Variants in COL19A1 observed in about 807,000 individuals in gnomAD.
COL19A1 encodes the protein collagen alpha-1(XIX) chain.
COL19A1 carries 159 observed loss-of-function variants against 190.2 expected under a neutral mutation model. The ratio of observed to expected loss-of-function variants is 0.84; its 90% CI spans 0.73 to 0.95. The LOEUF (loss-of-function observed/expected upper bound fraction) is 0.95, where lower values mean the gene tolerates loss of function less well. Among genes scored for constraint, COL19A1 ranks in the 40% least tolerant of loss-of-function variants. COL19A1 has a pLI of 0.00. For missense variants in COL19A1, 1,418 were observed against 1,431.9 expected (o/e 0.99, Z 0.16); for synonymous variants, 509 against 458.9 (o/e 1.11, Z -1.39).
chr6:70,122,094 A>C (rs1374650734), intron 17 of COL19A1, 152 bp downstream of exon 17: 1 of 530,188 alleles, frequency 1.9e-6, no homozygotes, highest in Admixed American at 3.7e-5. Flanking sequence ...TATGTTTTCA[A>C]AAACAAAAAT....
At chr6:70,200,857 TAGC>T (rs1368079610) in intron 49 of COL19A1, among the ~76,000 whole-genome samples, 5 of 152,328 alleles carry the variant, frequency 3.3e-5, no homozygotes, top group Admixed American at 2.6e-4. Context: ...TGCGTTTAAT[TAGC>T]ACAATATAAA....
chr6:70,164,553 C>T (rs1788010874), intron 36 of COL19A1, among the ~76,000 whole-genome samples: 1 of 152,110 alleles, frequency 6.6e-6, no homozygotes, highest in East Asian at 1.9e-4. Flanking sequence ...CTTGCCCAAC[C>T]CCACTAGCCT....
intron 14 of COL19A1, among the ~76,000 whole-genome samples, chr6:70,053,273 A>C (rs1780309666): frequency 6.6e-6 from 1 of 152,204 alleles, no homozygotes; most frequent in Non-Finnish European, 1.5e-5. Flanking sequence ...TAGAAACTTG[A>C]AAATAACATT....
chr6:69,872,015 C>T (rs1257188066), intron 1 of COL19A1, among the ~76,000 whole-genome samples: 1 of 152,100 alleles, frequency 6.6e-6, no homozygotes, highest in Non-Finnish European at 1.5e-5. Flanking sequence ...CGGGTTTTCA[C>T]CATGTTGGCC....
At chr6:69,902,842 T>C (rs1770278072) in intron 4 of COL19A1, among the ~76,000 whole-genome samples, 1 of 152,158 alleles carries the variant, frequency 6.6e-6, no homozygotes, top group African/African-American at 2.4e-5. Context: ...GGGGCCACAA[T>C]AGCCAACCAT....
At chr6:70,034,681 A>C (rs1779254782) in intron 13 of COL19A1, among the ~76,000 whole-genome samples, 1 of 152,194 alleles carries the variant, frequency 6.6e-6, no homozygotes, top group South Asian at 2.1e-4. Flanking sequence ...CTCAGTCTTA[A>C]TTTAACTATT....
intron 16 of COL19A1, among the ~76,000 whole-genome samples, chr6:70,119,364 G>C (rs887280320): frequency 2.0e-5 from 3 of 152,218 alleles, no homozygotes; most frequent in African/African-American, 7.2e-5. Flanking sequence ...TACAGCTAAA[G>C]GTAATGTGTT....
At chr6:69,982,455 G>A (rs1776087943) in intron 11 of COL19A1, among the ~76,000 whole-genome samples, 1 of 151,832 alleles carries the variant, frequency 6.6e-6, no homozygotes, top group Non-Finnish European at 1.5e-5. Flanking sequence ...TGGCCAGGCT[G>A]GTCTTGAACT....
intron 36 of COL19A1, among the ~76,000 whole-genome samples, chr6:70,164,247 C>T (rs1468412685): frequency 1.3e-5 from 2 of 152,140 alleles, no homozygotes; most frequent in Non-Finnish European, 2.9e-5. Context: ...GACAGGACAC[C>T]ACACAGTTTT....
At chr6:70,032,953 G>A (rs1241072229) in intron 12 of COL19A1, among the ~76,000 whole-genome samples, 1 of 152,148 alleles carries the variant, frequency 6.6e-6, no homozygotes, top group East Asian at 1.9e-4. Context: ...CTTGATTTGG[G>A]AAGAAATGGA....
chr6:70,102,819 C>G (rs1452985863), intron 16 of COL19A1, among the ~76,000 whole-genome samples: 1 of 152,170 alleles, frequency 6.6e-6, no homozygotes, highest in African/African-American at 2.4e-5. Flanking sequence ...ACACTGCACT[C>G]TCTGTGGTCA....
At chr6:70,104,062 GCTGTC>G (rs1353266335) in intron 16 of COL19A1, among the ~76,000 whole-genome samples, 9 of 152,104 alleles carry the variant, frequency 5.9e-5, no homozygotes, top group Non-Finnish European at 1.0e-4. Context: ...GAACATGATT[GCTGTC>G]CTGTCATTGA....
At chr6:70,077,905 T>C (rs1428603556) in intron 15 of COL19A1, among the ~76,000 whole-genome samples, 3 of 151,918 alleles carry the variant, frequency 2.0e-5, no homozygotes, top group Non-Finnish European at 4.4e-5. Flanking sequence ...AAGATATCAT[T>C]GGAAAAAATC....
intron 11 of COL19A1, among the ~76,000 whole-genome samples, chr6:70,002,613 A>G (rs1340461049): frequency 6.7e-6 from 1 of 149,504 alleles, no homozygotes; most frequent in Non-Finnish European, 1.5e-5. Context: ...ATTTATATAT[A>G]TATATATCTA....
At chr6:70,054,766 A>G (rs1780399141) in intron 14 of COL19A1, among the ~76,000 whole-genome samples, 2 of 152,180 alleles carry the variant, frequency 1.3e-5, no homozygotes, top group South Asian at 4.1e-4. Context: ...GTACATGACT[A>G]CTGTGACAAT....
In COL19A1 at chr6:70,142,012, C is replaced by T. The variant is rs199869610; in HGVS notation, c.1519-11C>T. On this transcript the variant is annotated splice_polypyrimidine_tract_variant and intron_variant, in intron 21 of 50. Coordinates refer to ENST00000620364, the MANE Select transcript of COL19A1 (RefSeq NM_001858.6). ...AGAAACATTGATCTTTCCTTCCCCC[C>T]ACGTGTTTAGGGTGAACCTGGAGAT... is the stretch of plus-strand genomic sequence containing the variant. The T allele has an allele frequency of 1.5e-5, 24 of 1,612,230 alleles. 1 individual carries two copies. Among genetic ancestry groups the T allele is most frequent in the South Asian group, 3.3e-5 (3 of 91,030 alleles).
Position 70,130,231 on chromosome 6 carries a change from GAT to G in COL19A1, c.1383+9_1383+10del. The G allele has an allele frequency of 6.2e-7, 1 of 1,607,794 alleles. No individual in the cohort carries two copies. The highest frequency in any genetic ancestry group is 1.7e-5 in the Admixed American group (1 of 59,546). On this transcript the variant is annotated intron_variant, in intron 18 of 50. Transcript: ENST00000620364. Reference sequence around the variant, plus strand: ...GGCCTGAAAGGAGACAAGGTAATCAGATTTTTTTTTTTTAGATGGAGTCTTGC... The same window carrying G: ...GGCCTGAAAGGAGACAAGGTAATCAGTTTTTTTTTTTAGATGGAGTCTTGC...
intron 9 of COL19A1, among the ~76,000 whole-genome samples, chr6:69,939,217 A>G (rs575649700): frequency 1.9e-3 from 289 of 152,256 alleles, no homozygotes; most frequent in Middle Eastern, 0.01. Context: ...CTTTACTTTC[A>G]ATATCATTTT....
chr6:69,921,620 G>A (rs901945874), intron 4 of COL19A1, among the ~76,000 whole-genome samples: 10 of 140,944 alleles, frequency 7.1e-5, no homozygotes, highest in African/African-American at 2.4e-4. Context: ...ATTCGTATAC[G>A]TATATAGATT....
Sources: gnomAD v4.1 joint callset for allele counts (sites outside exome capture counted in the v4.1 genomes callset) on GRCh38, gnomAD v4.1.1 for gene constraint, MANE v1.5 for transcripts, NCBI Gene and HGNC (gene_info 2026-07-23, HGNC 2026-07-21) for gene names.